Variants in FAIM2 observed in about 807,000 individuals in gnomAD.
FAIM2 encodes protein lifeguard 2.
In FAIM2, 27 loss-of-function variants were observed where a neutral mutation model predicts 47.4. The ratio of observed to expected loss-of-function variants is 0.57; its 90% CI spans 0.42 to 0.78. FAIM2 has a LOEUF of 0.78. Ranked by LOEUF, FAIM2 falls within the 30% of genes least tolerant of loss-of-function variation. The pLI is 0.00. For missense variants in FAIM2, 311 were observed against 389.4 expected (o/e 0.80, Z 1.69); for synonymous variants, 156 against 159.3 (o/e 0.98, Z 0.16).
chr12:49,887,116 G>A (rs562024352), intron 11 of FAIM2, among the ~76,000 whole-genome samples: 1 of 152,088 alleles, frequency 6.6e-6, no homozygotes, highest in Non-Finnish European at 1.5e-5. Context: ...CTGGAGGAAG[G>A]GATGCCTCTT....
At chr12:49,884,225 GAAA>G (rs760368215) in intron 11 of FAIM2, among the ~76,000 whole-genome samples, 1 of 49,292 alleles carries the variant, frequency 2.0e-5, no homozygotes, top group Non-Finnish European at 3.4e-5. Flanking sequence ...CTCCGTCTCA[GAAA>G]AAAAAAAAAA....
At chr12:49,871,099 G>A (rs1439724202) in intron 11 of FAIM2, among the ~76,000 whole-genome samples, 1 of 152,204 alleles carries the variant, frequency 6.6e-6, no homozygotes, top group Non-Finnish European at 1.5e-5. Context: ...CTCAGAGGAA[G>A]GCAAACGCTT....
intron 11 of FAIM2, among the ~76,000 whole-genome samples, chr12:49,883,293 C>G (rs1257544616): frequency 1.3e-5 from 2 of 152,072 alleles, no homozygotes; most frequent in African/African-American, 4.8e-5. Context: ...TCAATCCAGG[C>G]TGGAGGCGAC....
At chr12:49,889,823 C>T (rs910249502) in intron 8 of FAIM2, among the ~76,000 whole-genome samples, 2 of 152,058 alleles carry the variant, frequency 1.3e-5, no homozygotes, top group Admixed American at 6.5e-5. Context: ...GGGTTTGTGC[C>T]GGGCCTGGAG....
chr12:49,889,311 C>G, intron 9 of FAIM2, 109 bp from the exon 10 acceptor site: 2 of 1,014,358 alleles, frequency 2.0e-6, no homozygotes, highest in Non-Finnish European at 3.0e-6. Context: ...ACCCCAAGAA[C>G]CTGGCATTCC....
In FAIM2 at chr12:49,898,174, C is replaced by A. The variant is rs1592794833; in HGVS notation, c.212-84G>T. 7 of 835,802 alleles carry A rather than the reference C, an allele frequency of 8.4e-6. No individual in the cohort carries two copies. The East Asian group carries it at 2.2e-4, about 26-fold the overall frequency. The allele number at this position is 835,802 out of a possible 1,614,324, so 51.8% of individuals were successfully genotyped here. A position where few individuals can be genotyped will look rare whatever the true frequency, so the allele number is the denominator to read the frequency against. On this transcript the variant is annotated intron_variant, in intron 2 of 11. Coordinates refer to ENST00000320634, the MANE Select transcript of FAIM2 (RefSeq NM_012306.4). ...CCAACAGCCCCCAACTCAAAGCTGCCTTTTTGTCAACCTGGCTCTCTGGAC... is the reference window on the plus strand; with the variant it reads ...CCAACAGCCCCCAACTCAAAGCTGCATTTTTGTCAACCTGGCTCTCTGGAC...
Position 49,897,050 on chromosome 12 carries a change from C to T in FAIM2, c.415G>A (p.Gly139Ser), listed in dbSNP as rs772391989. 11 of 1,613,828 alleles carry T rather than the reference C, an allele frequency of 6.8e-6. No homozygotes were observed. The highest frequency in any genetic ancestry group is 9.3e-6 in the Non-Finnish European group (11 of 1,179,714). Residue 139 changes from glycine (G) to serine (S), a missense_variant, in exon 5 of 12, where the codon GGC (glycine) becomes AGC (serine). Gly to Ser is a moderately conservative substitution (Grantham distance 56). Transcript: ENST00000320634. The stretch of plus-strand genomic sequence containing the variant: ...ACTCACTAGGATGCCCAGTACCAGC[C>T]TGGGTTGGCCTGGACATAGTCCTTG... ...PVKDYVQANP[G>S]WYWASYAVFF...
chr12:49,890,674 A>T lies in FAIM2; in HGVS notation c.525+9T>A, dbSNP rs771709030. The T allele has an allele frequency of 6.2e-7, 1 of 1,613,682 alleles. No individual in the cohort carries two copies. The highest frequency in any genetic ancestry group is 8.5e-7 in the Non-Finnish European group (1 of 1,179,674). ...AGCGTCTGTCCTCAGCACACCCAGG[A>T]TCACTTACAAAGACGGTCAGGAGAA... On this transcript the variant is annotated intron_variant, in intron 7 of 11. Transcript: ENST00000320634.
At chr12:49,892,029 C>T (rs936992797) in intron 5 of FAIM2, among the ~76,000 whole-genome samples, 11 of 152,142 alleles carry the variant, frequency 7.2e-5, no homozygotes, top group African/African-American at 2.7e-4. Flanking sequence ...CATCCTTTCC[C>T]CATCTCCTTC....
chr12:49,897,236 A>C, intron 4 of FAIM2, 152 bp from the exon 5 acceptor site: 1 of 728,996 alleles, frequency 1.4e-6, no homozygotes, highest in Non-Finnish European at 2.4e-6. Flanking sequence ...CCCAGCCCAC[A>C]GTCCCCGGCT....
At chr12:49,897,451 T>C in intron 4 of FAIM2, 68 bp downstream of exon 4, 2 of 1,438,908 alleles carry the variant, frequency 1.4e-6, no homozygotes, top group Non-Finnish European at 9.8e-7. Flanking sequence ...AGTCTGATCA[T>C]GGGTTCCCCG....
chr12:49,876,599 T>TA (rs149137663), intron 11 of FAIM2, among the ~76,000 whole-genome samples: 7,885 of 143,332 alleles, frequency 0.055, 350 homozygotes, highest in African/African-American at 0.13. Context: ...CCGTCTCTAC[T>TA]AAAAAAAAAA....
intron 5 of FAIM2, among the ~76,000 whole-genome samples, chr12:49,894,843 G>GTGA (rs1946924763): frequency 6.6e-6 from 1 of 152,192 alleles, no homozygotes. Context: ...GCTATTGAAA[G>GTGA]ATCAAGTGAA....
chr12:49,896,032 C>G (rs1048539513), intron 5 of FAIM2, among the ~76,000 whole-genome samples: 13 of 152,264 alleles, frequency 8.5e-5, no homozygotes, highest in Admixed American at 5.2e-4. Flanking sequence ...GGAACGCTGT[C>G]TCCTGTCTTC....
intron 11 of FAIM2, among the ~76,000 whole-genome samples, chr12:49,880,796 G>T (rs182772461): frequency 1.3e-5 from 2 of 151,936 alleles, no homozygotes; most frequent in Non-Finnish European, 2.9e-5. Context: ...ATGTATATGT[G>T]TTTGTGCATG....
At chr12:49,882,700 C>T (rs1035242045) in intron 11 of FAIM2, among the ~76,000 whole-genome samples, 2 of 152,196 alleles carry the variant, frequency 1.3e-5, no homozygotes, top group African/African-American at 4.8e-5. Flanking sequence ...ATAGCCTGTG[C>T]GTCCTCTGCC....
At chr12:49,900,479 G>A (rs139139198) in intron 2 of FAIM2, among the ~76,000 whole-genome samples, 21 of 152,200 alleles carry the variant, frequency 1.4e-4, no homozygotes, top group Middle Eastern at 3.4e-3. Context: ...TGGGATTCTC[G>A]GTCTGCAGGA....
intron 11 of FAIM2, among the ~76,000 whole-genome samples, chr12:49,883,048 G>A (rs948887608): frequency 6.6e-6 from 1 of 152,194 alleles, no homozygotes. Context: ...CAGATCCTAA[G>A]AACAGACAGA....
chr12:49,879,519 TG>T (rs1946785593), intron 11 of FAIM2, among the ~76,000 whole-genome samples: 3 of 151,922 alleles, frequency 2.0e-5, no homozygotes, highest in African/African-American at 7.3e-5. Flanking sequence ...TGCATGTGTG[TG>T]TGTCCATGTG....
Sources: allele counts gnomAD v4.1 joint callset (sites outside exome capture counted in the v4.1 genomes callset), GRCh38; gene constraint gnomAD v4.1.1; transcripts MANE v1.5; gene names NCBI Gene and HGNC (gene_info 2026-07-23, HGNC 2026-07-21).